Variants in NXF2B observed in about 807,000 individuals in gnomAD.
NXF2B encodes the protein nuclear RNA export factor 2.
exon 2 of NXF2B, chrX:102,438,649 T>C (rs1934481240): frequency 1.8e-5 from 1 of 54,696 alleles, no homozygotes; most frequent in Non-Finnish European, 4.5e-5. Flanking sequence ...GAAGACCAAA[T>C]GCAATGAAGC....
chrX:102,386,112 T>G (rs1934266058), intron 2 of NXF2B, among the ~76,000 whole-genome samples: 2 of 114,944 alleles, frequency 1.7e-5, no homozygotes, highest in African/African-American at 3.1e-5. Flanking sequence ...CAAGCCCTAA[T>G]TTTTTTGTAT....
Sources: gnomAD v4.1 joint callset for allele counts (sites outside exome capture counted in the v4.1 genomes callset) on GRCh38, gnomAD v4.1.1 for gene constraint, MANE v1.5 for transcripts, NCBI Gene and HGNC (gene_info 2026-07-23, HGNC 2026-07-21) for gene names.